Variants in TENM2 observed in about 807,000 individuals in gnomAD.
TENM2 encodes the protein teneurin-2.
In TENM2, 52 loss-of-function variants were observed where a neutral mutation model predicts 245.2. The ratio of observed to expected loss-of-function variants is 0.21; its 90% confidence interval spans 0.17 to 0.27. The LOEUF (loss-of-function observed/expected upper bound fraction) is 0.27. TENM2 is among the 10% of genes least tolerant of loss of function. The pLI, the probability that TENM2 is intolerant of heterozygous loss-of-function variation, is 1.00. For synonymous variants in TENM2, 1,363 were observed against 1,438.9 expected (o/e 0.95, Z 1.19); for missense variants, 3,046 against 3,666.8 (o/e 0.83, Z 4.37).
At chr5:167,770,718 C>T (rs184428233) in intron 2 of TENM2, among the ~76,000 whole-genome samples, 1 of 152,236 alleles carries the variant, frequency 6.6e-6, no homozygotes, top group African/African-American at 2.4e-5. Context: ...CGTAAGTCTG[C>T]CATTGGTTTG....
At chr5:167,045,822 A>G in the TENM2 span, among the ~76,000 whole-genome samples, 1 of 152,160 alleles carries the variant, frequency 6.6e-6, no homozygotes, top group Admixed American at 6.5e-5. Context: ...CGGGTTATTC[A>G]CTCAGACACT....
chr5:167,575,275 A>G (rs972885521), intron 2 of TENM2, among the ~76,000 whole-genome samples: 28 of 152,180 alleles, frequency 1.8e-4, no homozygotes, highest in African/African-American at 6.8e-4. Flanking sequence ...CTGAATATTA[A>G]AAGTACAAAA....
chr5:167,028,396 T>C, the TENM2 span, among the ~76,000 whole-genome samples: 2 of 152,146 alleles, frequency 1.3e-5, no homozygotes, highest in Non-Finnish European at 2.9e-5. Context: ...ATACATTATA[T>C]ATTTTGACAC....
chr5:167,448,826 C>T (rs1471750637), intron 2 of TENM2, among the ~76,000 whole-genome samples: 1 of 151,678 alleles, frequency 6.6e-6, no homozygotes, highest in African/African-American at 2.4e-5. Context: ...TCCATGGTGG[C>T]TGAAGGATGA....
intron 3 of TENM2, among the ~76,000 whole-genome samples, chr5:167,940,264 GTAAT>G (rs10607285): frequency 0.091 from 13,842 of 152,098 alleles, 1,194 homozygotes; most frequent in African/African-American, 0.23. Flanking sequence ...TTGTCAATGT[GTAAT>G]TAATTAACTA....
At chr5:167,126,289 C>T in the TENM2 span, among the ~76,000 whole-genome samples, 1 of 152,150 alleles carries the variant, frequency 6.6e-6, no homozygotes, top group Non-Finnish European at 1.5e-5. Flanking sequence ...GAGACAGCCA[C>T]TGAGGAAGAA....
intron 1 of TENM2, among the ~76,000 whole-genome samples, chr5:167,356,326 G>A (rs1194249425): frequency 6.6e-6 from 1 of 151,660 alleles, no homozygotes; most frequent in Non-Finnish European, 1.5e-5. Flanking sequence ...AAACCTCCCT[G>A]TTTTTTGATT....
intron 2 of TENM2, among the ~76,000 whole-genome samples, chr5:167,429,799 G>T (rs1402646515): frequency 1.3e-5 from 2 of 151,974 alleles, no homozygotes; most frequent in East Asian, 1.9e-4. Context: ...TACAGACAGG[G>T]TTTCACCATG....
At chr5:167,467,529 A>AC (rs1766743613) in intron 2 of TENM2, among the ~76,000 whole-genome samples, 1 of 141,498 alleles carries the variant, frequency 7.1e-6, no homozygotes, top group Non-Finnish European at 1.6e-5. Context: ...AAAAAAAAAA[A>AC]AACAGTAACC....
At chr5:167,109,214 C>T in the TENM2 span, among the ~76,000 whole-genome samples, 2 of 151,326 alleles carry the variant, frequency 1.3e-5, no homozygotes, top group Admixed American at 6.6e-5. Flanking sequence ...AAATAGAACA[C>T]TTTTAAAATC....
intron 2 of TENM2, among the ~76,000 whole-genome samples, chr5:167,431,190 A>ACAATTAT (rs1764198624): frequency 6.6e-6 from 1 of 152,202 alleles, no homozygotes; most frequent in Non-Finnish European, 1.5e-5. Context: ...GGTCATTAAG[A>ACAATTAT]CAATTATCAA....
At chr5:167,700,558 G>A (rs897259705) in intron 2 of TENM2, among the ~76,000 whole-genome samples, 3 of 152,136 alleles carry the variant, frequency 2.0e-5, no homozygotes, top group African/African-American at 7.2e-5. Flanking sequence ...ACTGAGCTGG[G>A]ATTGGAACCC....
intron 2 of TENM2, among the ~76,000 whole-genome samples, chr5:167,605,207 C>T (rs1320876783): frequency 5.9e-5 from 9 of 152,006 alleles, no homozygotes; most frequent in African/African-American, 7.3e-5. Context: ...GAAGAACGTA[C>T]GATTCTATGT....
chr5:167,392,306 G>A (rs1761805251), intron 2 of TENM2, among the ~76,000 whole-genome samples: 2 of 152,174 alleles, frequency 1.3e-5, no homozygotes. Context: ...TGTCCACGTA[G>A]CTGGTTAAAT....
intron 27 of TENM2, among the ~76,000 whole-genome samples, chr5:168,257,729 C>T (rs1435164735): frequency 6.6e-6 from 1 of 151,766 alleles, no homozygotes; most frequent in African/African-American, 2.4e-5. Context: ...GATTCTCCTG[C>T]CTCAGCCTCC....
rs184068323 is a variant in TENM2 at position 167,749,369 on chromosome 5, G to A, written c.503-126617G>A. Among the ~76,000 whole-genome samples the A allele has an allele frequency of 3.3e-3, 506 of 152,260 alleles. 5 individuals carry two copies. Among genetic ancestry groups the A allele is most frequent in the Non-Finnish European group, 2.3e-3 (154 of 68,010 alleles). ...TAAAAATTCAAGGAAGCTGGGAACGGTGGCTCATGCCTATAATTTCAGCAC... is the reference window on the plus strand; with the variant it reads ...TAAAAATTCAAGGAAGCTGGGAACGATGGCTCATGCCTATAATTTCAGCAC... On this transcript the variant is annotated intron_variant, in intron 2 of 28. Coordinates refer to ENST00000518659, the Ensembl canonical transcript of TENM2.
At chr5:167,972,704 T>C (rs1396745696) in intron 4 of TENM2, among the ~76,000 whole-genome samples, 1 of 152,256 alleles carries the variant, frequency 6.6e-6, no homozygotes, top group East Asian at 1.9e-4. Flanking sequence ...CCTTATTTGA[T>C]GGCCTGAGTT....
intron 2 of TENM2, among the ~76,000 whole-genome samples, chr5:167,393,760 A>C (rs545578224): frequency 6.6e-6 from 1 of 152,326 alleles, no homozygotes; most frequent in African/African-American, 2.4e-5. Flanking sequence ...TAGTGGAAGA[A>C]GACAAGAGTA....
intron 2 of TENM2, among the ~76,000 whole-genome samples, chr5:167,466,993 C>A (rs1212051832): frequency 6.6e-6 from 1 of 152,060 alleles, no homozygotes; most frequent in Admixed American, 6.6e-5. Context: ...AGTTGCCCAG[C>A]CAAATTGGAG....
Sources: gnomAD v4.1 joint callset for allele counts (sites outside exome capture counted in the v4.1 genomes callset) on GRCh38, gnomAD v4.1.1 for gene constraint, MANE v1.5 for transcripts, NCBI Gene and HGNC (gene_info 2026-07-23, HGNC 2026-07-21) for gene names.